Variants in ALK observed in about 807,000 individuals in gnomAD.
ALK encodes ALK tyrosine kinase receptor.
In ALK, 74 loss-of-function variants were observed where a neutral mutation model predicts 163.1. That is an observed-to-expected ratio of 0.45 (90% confidence interval 0.38 to 0.55). The LOEUF is 0.55. Among genes scored for constraint, ALK ranks in the 20% least tolerant of loss-of-function variants. ALK has a pLI of 0.00. For missense variants in ALK, 2,063 were observed against 2,105.3 expected, an observed-to-expected ratio of 0.98 and a Z score of 0.39; for synonymous variants, 960 against 843.2, an observed-to-expected ratio of 1.14 and a Z score of -2.40.
At chr2:29,798,270 TGG>T (rs1664373720) in intron 1 of ALK, among the ~76,000 whole-genome samples, 1 of 152,230 alleles carries the variant, frequency 6.6e-6, no homozygotes, top group South Asian at 2.1e-4. Context: ...ATTATTAAAT[TGG>T]TATCATCACC....
At chr2:29,812,232 C>T (rs932178267) in intron 1 of ALK, among the ~76,000 whole-genome samples, 1 of 152,086 alleles carries the variant, frequency 6.6e-6, no homozygotes, top group Non-Finnish European at 1.5e-5. Flanking sequence ...CTAAGCCTGC[C>T]GGGGTGGGGG....
intron 1 of ALK, among the ~76,000 whole-genome samples, chr2:29,896,590 C>G (rs1260469396): frequency 6.6e-6 from 1 of 152,122 alleles, no homozygotes; most frequent in Non-Finnish European, 1.5e-5. Context: ...CCACCTGTGG[C>G]ACCTTAACCT....
At chr2:29,523,252 G>A (rs1426842732) in intron 4 of ALK, among the ~76,000 whole-genome samples, 1 of 152,108 alleles carries the variant, frequency 6.6e-6, no homozygotes, top group Non-Finnish European at 1.5e-5. Context: ...GACACCCCTT[G>A]CCCCTGCAGA....
intron 1 of ALK, among the ~76,000 whole-genome samples, chr2:29,879,919 G>C (rs1666813089): frequency 6.6e-6 from 1 of 152,216 alleles, no homozygotes; most frequent in Non-Finnish European, 1.5e-5. Context: ...TTATTTCAAA[G>C]GGACAAATTA....
chr2:29,331,556 T>C (rs1372018488), intron 5 of ALK, among the ~76,000 whole-genome samples: 1 of 152,200 alleles, frequency 6.6e-6, no homozygotes, highest in Non-Finnish European at 1.5e-5. Flanking sequence ...TGGGCATCAA[T>C]TCTTTACCTA....
In ALK at chr2:29,209,892, A is replaced by T. The variant is rs2148155442; in HGVS notation, c.3744-14T>A. The T allele has an allele frequency of 6.2e-7, 1 of 1,609,340 alleles. No individual in the cohort carries two copies. The highest frequency in any genetic ancestry group is 8.5e-7 in the Non-Finnish European group (1 of 1,175,680). ...GCAGCAATGTCTCTGGGAAGAAAGGAAATGCATTTCCTAATTTTATCCCTA... is the reference window on the plus strand; with the variant it reads ...GCAGCAATGTCTCTGGGAAGAAAGGTAATGCATTTCCTAATTTTATCCCTA... On this transcript the variant is annotated splice_polypyrimidine_tract_variant and intron_variant, in intron 24 of 28. Coordinates refer to ENST00000389048, the MANE Select transcript of ALK (RefSeq NM_004304.5).
intron 3 of ALK, among the ~76,000 whole-genome samples, chr2:29,659,126 C>T (rs184141467): frequency 8.8e-4 from 134 of 152,246 alleles, no homozygotes; most frequent in African/African-American, 3.1e-3. Context: ...TTCCTCTCCT[C>T]CTGCCTCTCC....
chr2:29,570,557 T>C (rs2148189853), intron 3 of ALK, among the ~76,000 whole-genome samples: 1 of 152,338 alleles, frequency 6.6e-6, no homozygotes, highest in African/African-American at 2.4e-5. Context: ...GGTCTCACCC[T>C]AAGATAGAAA....
chr2:29,258,736 G>A (rs566835932), intron 11 of ALK, among the ~76,000 whole-genome samples: 1 of 152,302 alleles, frequency 6.6e-6, no homozygotes, highest in East Asian at 1.9e-4. Flanking sequence ...TTGACATGAC[G>A]CTAGTAGACT....
intron 8 of ALK, among the ~76,000 whole-genome samples, chr2:29,298,059 G>C (rs905770454): frequency 1.3e-5 from 2 of 152,132 alleles, no homozygotes; most frequent in Non-Finnish European, 2.9e-5. Flanking sequence ...CTTGATACAT[G>C]GTTGCCTCAC....
chr2:29,874,966 T>C (rs56073053), intron 1 of ALK, among the ~76,000 whole-genome samples: 6,409 of 152,242 alleles, frequency 0.042, 393 homozygotes, highest in African/African-American at 0.14. Context: ...ATTTGGCAGG[T>C]CCTCAGGAAG....
chr2:29,298,385 A>G (rs957065460), intron 8 of ALK, among the ~76,000 whole-genome samples: 10 of 152,188 alleles, frequency 6.6e-5, no homozygotes, highest in Admixed American at 6.5e-4. Flanking sequence ...GGAAATTTCA[A>G]CTCTACCCCT....
At chr2:29,656,131 T>C (rs531315547) in intron 3 of ALK, among the ~76,000 whole-genome samples, 2 of 152,268 alleles carry the variant, frequency 1.3e-5, no homozygotes, top group South Asian at 2.1e-4. Context: ...TCAAAATTCA[T>C]GGGACTGTAC....
chr2:29,608,907 C>T (rs1037083333), intron 3 of ALK, among the ~76,000 whole-genome samples: 1 of 152,116 alleles, frequency 6.6e-6, no homozygotes, highest in Non-Finnish European at 1.5e-5. Context: ...GCTGGTCTCT[C>T]ATAATTCCAT....
intron 9 of ALK, among the ~76,000 whole-genome samples, chr2:29,293,795 G>A (rs1666103065): frequency 6.6e-6 from 1 of 151,624 alleles, no homozygotes. Context: ...CATCCCCAAA[G>A]CCACAGGAAG....
In ALK at chr2:29,334,211, A is replaced by G. The variant is rs185956056; in HGVS notation, c.1283-5730T>C. ...CAATTAATGTGGTAGACACTGCTAC[A>G]TATCATTACTATGGCTTGTATGCCT... On this transcript the variant is annotated intron_variant, in intron 5 of 28. Transcript: ENST00000389048. Among the ~76,000 whole-genome samples, 5 of 152,296 alleles carry G rather than the reference A, an allele frequency of 3.3e-5. No homozygotes were observed. The East Asian group carries it at 7.8e-4, about 24-fold the overall frequency.
chr2:29,364,508 C>T (rs934424990), intron 5 of ALK, among the ~76,000 whole-genome samples: 1 of 152,222 alleles, frequency 6.6e-6, no homozygotes, highest in Non-Finnish European at 1.5e-5. Flanking sequence ...CTGAAGGACA[C>T]ACCATCCTTG....
At chr2:29,746,801 T>A (rs182949239) in intron 1 of ALK, among the ~76,000 whole-genome samples, 1 of 152,346 alleles carries the variant, frequency 6.6e-6, no homozygotes, top group Non-Finnish European at 1.5e-5. Context: ...TCCATTGTGT[T>A]TGAACCATAT....
chr2:29,578,577 G>T (rs1329713316), intron 3 of ALK, among the ~76,000 whole-genome samples: 1 of 152,158 alleles, frequency 6.6e-6, no homozygotes, highest in African/African-American at 2.4e-5. Context: ...GGGTAGGGGG[G>T]CTCCCATGTG....
Sources: allele counts gnomAD v4.1 joint callset (sites outside exome capture counted in the v4.1 genomes callset), GRCh38; gene constraint gnomAD v4.1.1; transcripts MANE v1.5; gene names NCBI Gene and HGNC (gene_info 2026-07-23, HGNC 2026-07-21).